PDE8A: variants seen among roughly 807,000 people sequenced by gnomAD.
PDE8A encodes high affinity cAMP-specific and IBMX-insensitive 3',5'-cyclic phosphodiesterase 8A.
Under a neutral mutation model 105.0 loss-of-function variants are expected in PDE8A, and 59 were observed. That is an observed-to-expected ratio of 0.56 (90% CI 0.46 to 0.70). The LOEUF (loss-of-function observed/expected upper bound fraction) is 0.70, where lower values mean the gene tolerates loss of function less well. Among genes scored for constraint, PDE8A ranks in the 30% least tolerant of loss-of-function variants. PDE8A has a pLI of 0.00. For synonymous variants in PDE8A, 355 were observed against 371.9 expected (o/e 0.95, Z 0.52); for missense variants, 1,014 against 1,045.9 (o/e 0.97, Z 0.42).
At chr15:85,105,450 C>T (rs1349925358) in intron 11 of PDE8A, among the ~76,000 whole-genome samples, 1 of 152,112 alleles carries the variant, frequency 6.6e-6, no homozygotes, top group East Asian at 1.9e-4. Flanking sequence ...ATACTGGGGT[C>T]TGGACTTCCT....
intron 1 of PDE8A, among the ~76,000 whole-genome samples, chr15:85,055,461 C>T (rs1201716298): frequency 2.0e-5 from 3 of 152,166 alleles, no homozygotes; most frequent in African/African-American, 7.2e-5. Context: ...CTTTGTAGGT[C>T]TCTAAGGACT....
At chr15:85,099,964 C>A in intron 9 of PDE8A, 51 bp from the exon 10 acceptor site, 3 of 1,420,134 alleles carry the variant, frequency 2.1e-6, no homozygotes, top group South Asian at 1.2e-5. Context: ...ACGACATATC[C>A]ATCAAATTAG....
At chr15:85,090,530 A>G (rs2081624030) in intron 7 of PDE8A, among the ~76,000 whole-genome samples, 1 of 152,180 alleles carries the variant, frequency 6.6e-6, no homozygotes, top group Admixed American at 6.5e-5. Context: ...CTTTCCATAC[A>G]CATCATTTAT....
intron 1 of PDE8A, among the ~76,000 whole-genome samples, chr15:85,061,985 T>C (rs2081153278): frequency 6.6e-6 from 1 of 152,218 alleles, no homozygotes. Flanking sequence ...TAGATTTTCA[T>C]GTTGTTCGTA....
chr15:84,992,449 G>T (rs893915793), intron 1 of PDE8A, among the ~76,000 whole-genome samples: 2 of 152,178 alleles, frequency 1.3e-5, no homozygotes, highest in Admixed American at 1.3e-4. Context: ...GCCAGGTTGA[G>T]GAGTTTGAAG....
chr15:85,099,902 G>A lies in PDE8A; in HGVS notation c.942-113G>A, dbSNP rs924767606. 20 of 778,540 alleles carry A rather than the reference G, an allele frequency of 2.6e-5. No homozygotes were observed. In the African/African-American group the frequency reaches 3.1e-4, roughly 12 times the overall value. The allele number at this position is 778,540 out of a possible 1,614,324, so 48.2% of individuals were successfully genotyped here. On this transcript the variant is annotated intron_variant, in intron 9 of 21. Coordinates refer to ENST00000394553, the MANE Select transcript of PDE8A (RefSeq NM_002605.3). The stretch of plus-strand genomic sequence containing the variant: ...GTCACAGTGAGAAGAAATGTTCTCA[G>A]AGCGTTTTGTGTATTGCAAAAGGGA...
Position 84,982,062 on chromosome 15 carries a change from G to A in PDE8A, c.-101G>A, listed in dbSNP as rs1191311190. 1.6e-6 allele frequency: 1 copy of A among 638,130 alleles called. No homozygotes were observed. The highest frequency in any genetic ancestry group is 1.9e-5 in the African/African-American group (1 of 51,600). The allele number at this position is 638,130 out of a possible 1,614,324, so 39.5% of individuals were successfully genotyped here. On this transcript the variant is annotated 5_prime_UTR_variant, in exon 1 of 22. Transcript: ENST00000394553. ...CGCGCTCGCCGCCGCCCGCCCAGGCGGCGATGACACGGCGCCCGCGGCGGC... is the reference window on the plus strand; with the variant it reads ...CGCGCTCGCCGCCGCCCGCCCAGGCAGCGATGACACGGCGCCCGCGGCGGC...
chr15:85,066,162 T>G (rs1387647344), intron 2 of PDE8A, among the ~76,000 whole-genome samples: 2 of 152,244 alleles, frequency 1.3e-5, no homozygotes, highest in African/African-American at 4.8e-5. Context: ...CAGTTAACTT[T>G]CTTTCAGCTA....
At chr15:85,136,198 TCA>T (rs2082406509) in intron 20 of PDE8A, among the ~76,000 whole-genome samples, 1 of 152,224 alleles carries the variant, frequency 6.6e-6, no homozygotes, top group African/African-American at 2.4e-5. Flanking sequence ...TAATTTTGCC[TCA>T]GTTTCTTTAG....
Position 85,094,073 on chromosome 15 carries a change from G to C in PDE8A, c.852+2892G>C, listed in dbSNP as rs139642117. ...AAATGGGGTCTCACTGTGTTGCCCAGGCTGGTCTCAAACTCCTAGGCTCAA... is the reference window on the plus strand; with the variant it reads ...AAATGGGGTCTCACTGTGTTGCCCACGCTGGTCTCAAACTCCTAGGCTCAA... On this transcript the variant is annotated intron_variant, in intron 8 of 21. Coordinates refer to ENST00000394553, the MANE Select transcript of PDE8A (RefSeq NM_002605.3). 6.8e-3 allele frequency among the ~76,000 whole-genome samples: 1,041 copies of C among 152,184 alleles called. 7 individuals carry two copies. Among genetic ancestry groups the C allele is most frequent in the Non-Finnish European group, 0.012 (811 of 68,002 alleles).
intron 7 of PDE8A, among the ~76,000 whole-genome samples, chr15:85,089,890 C>T (rs538858073): frequency 6.6e-6 from 1 of 152,272 alleles, no homozygotes; most frequent in African/African-American, 2.4e-5. Context: ...GAATAAATTA[C>T]ACATTATTAG....
chr15:85,063,352 C>T (rs867986906), intron 1 of PDE8A: 2 of 152,192 alleles, frequency 1.3e-5, no homozygotes, highest in Non-Finnish European at 2.9e-5. Flanking sequence ...TGTGACGAAT[C>T]ATACCATCAC....
chr15:85,085,675 C>G (rs866923814), intron 6 of PDE8A, among the ~76,000 whole-genome samples: 1 of 115,376 alleles, frequency 8.7e-6, no homozygotes, highest in Admixed American at 9.1e-5. Context: ...GACTCTGTCT[C>G]AAAAAAAAAA....
chr15:85,110,031 C>CT (rs1240697937), intron 12 of PDE8A, among the ~76,000 whole-genome samples: 1 of 152,166 alleles, frequency 6.6e-6, no homozygotes, highest in African/African-American at 2.4e-5. Flanking sequence ...TTTCCATTGC[C>CT]TTATCTGTAA....
At chr15:85,127,228 A>T (rs2082271121) in intron 20 of PDE8A, among the ~76,000 whole-genome samples, 1 of 152,212 alleles carries the variant, frequency 6.6e-6, no homozygotes, top group Non-Finnish European at 1.5e-5. Context: ...ATTATATTTA[A>T]TGGCATGAGA....
intron 19 of PDE8A, 66 bp from the exon 20 acceptor site, chr15:85,126,141 C>G (rs1376237814): frequency 4.3e-6 from 5 of 1,157,646 alleles, no homozygotes; most frequent in African/African-American, 1.6e-5. Flanking sequence ...GTGGGACAGA[C>G]CAGTAAGAGA....
chr15:85,081,423 C>T (rs1243333304), intron 5 of PDE8A, among the ~76,000 whole-genome samples: 1 of 152,114 alleles, frequency 6.6e-6, no homozygotes, highest in South Asian at 2.1e-4. Context: ...TTCTAATATG[C>T]AGCTGAGAGT....
chr15:85,046,788 C>A (rs1295065525), intron 1 of PDE8A, among the ~76,000 whole-genome samples: 2 of 152,114 alleles, frequency 1.3e-5, no homozygotes, highest in East Asian at 3.8e-4. Context: ...CACCCCTAAT[C>A]AAGATTTGTA....
chr15:85,103,918 A>G (rs959835209), intron 11 of PDE8A, among the ~76,000 whole-genome samples: 2 of 152,204 alleles, frequency 1.3e-5, no homozygotes, highest in South Asian at 2.1e-4. Flanking sequence ...CTCTGTCACT[A>G]ACTGGGTATG....
Sources: gnomAD v4.1 joint callset for allele counts (sites outside exome capture counted in the v4.1 genomes callset) on GRCh38, gnomAD v4.1.1 for gene constraint, MANE v1.5 for transcripts, NCBI Gene and HGNC (gene_info 2026-07-23, HGNC 2026-07-21) for gene names.